The following ATXN10 variants were observed in gnomAD, a reference collection of about 807,000 sequenced individuals.
ATXN10 encodes ataxin 10, also known as ataxin-10.
Under a neutral mutation model 52.9 loss-of-function variants are expected in ATXN10, and 28 were observed. That is an observed-to-expected ratio of 0.53 (90% CI 0.39 to 0.73). The LOEUF is 0.73. ATXN10 is among the 30% of genes least tolerant of loss of function. The pLI is 0.00. For missense variants in ATXN10, 565 were observed against 577.0 expected, an observed-to-expected ratio of 0.98 and a Z score of 0.21; for synonymous variants, 226 against 221.5, an observed-to-expected ratio of 1.02 and a Z score of -0.18.
Position 45,708,660 on chromosome 22 carries a change from GAC to G in ATXN10, c.647+5815_647+5816del, listed in dbSNP as rs1167180206. 6.6e-6 allele frequency among the ~76,000 whole-genome samples: 1 copy of G among 152,096 alleles called. No homozygotes were observed. The highest frequency in any genetic ancestry group is 2.4e-5 in the African/African-American group (1 of 41,392). On this transcript the variant is annotated intron_variant, in intron 5 of 11. Transcript: ENST00000252934. The surrounding 1 kb of genome is among the most constrained non-coding windows in gnomAD (Gnocchi z 5.3). ...TTTGGTGTAAACTTTTTCTTTTTGAGACAGAGTCTCACTCTGTTGCCCAGGCT... is the reference window on the plus strand; with the variant it reads ...TTTGGTGTAAACTTTTTCTTTTTGAGAGAGTCTCACTCTGTTGCCCAGGCT...
intron 9 of ATXN10, among the ~76,000 whole-genome samples, chr22:45,764,025 C>G (rs1201252376): frequency 6.6e-6 from 1 of 152,234 alleles, no homozygotes; most frequent in African/African-American, 2.4e-5. Flanking sequence ...TCTCCCCGGC[C>G]TCTCCGGCAG....
At chr22:45,680,614 C>T (rs532646665) in intron 1 of ATXN10, among the ~76,000 whole-genome samples, 5 of 151,894 alleles carry the variant, frequency 3.3e-5, no homozygotes, top group African/African-American at 9.7e-5. Context: ...CGCCACCATG[C>T]CCCGCTAATT....
Position 45,684,984 on chromosome 22 carries a change from A to C in ATXN10, c.117-4728A>C, listed in dbSNP as rs758839350. On this transcript the variant is annotated intron_variant, in intron 1 of 11. Coordinates refer to ENST00000252934, the MANE Select transcript of ATXN10 (RefSeq NM_013236.4). The surrounding 1 kb of genome is among the most constrained non-coding windows in gnomAD (Gnocchi z 4.1). ...ATAGTTTTTCTCACTGGCAGTTGTT[A>C]AACTACTCTAAACCACATATGCCAG... Among the ~76,000 whole-genome samples the C allele has an allele frequency of 1.4e-4, 21 of 152,358 alleles. No individual in the cohort carries two copies. The highest frequency in any genetic ancestry group is 3.4e-3 in the Middle Eastern group (1 of 294).
rs950993273 is a variant in ATXN10, at chr22:45,828,090, C to T, written c.1238-14901C>T. 9.9e-5 allele frequency among the ~76,000 whole-genome samples: 15 copies of T among 151,934 alleles called. No homozygotes were observed. The highest frequency in any genetic ancestry group is 3.3e-4 in the Admixed American group (5 of 15,262). Reference sequence around the variant, plus strand: ...GGTCAGCTGGGTGCAGTGGCTCATACCTGTAATCCCAGCAGTTTGGGAGGC... The same window carrying T: ...GGTCAGCTGGGTGCAGTGGCTCATATCTGTAATCCCAGCAGTTTGGGAGGC... On this transcript the variant is annotated intron_variant, in intron 10 of 11. Coordinates refer to ENST00000252934, the MANE Select transcript of ATXN10 (RefSeq NM_013236.4). This position sits in a 1 kb window ranked among gnomAD's most constrained non-coding sequence, Gnocchi z 4.5.
rs1240139080 is a variant in ATXN10 at position 45,762,337 on chromosome 22, C to G, written c.1173+21799C>G. Among the ~76,000 whole-genome samples the G allele has an allele frequency of 1.3e-5, 2 of 152,198 alleles. No homozygotes were observed. The highest frequency in any genetic ancestry group is 4.8e-5 in the African/African-American group (2 of 41,452). ...AGGGCCTGACCCAGGGTAGGCACTC[C>G]CGCTTCATGACTACATCTCATTTTT... is the stretch of plus-strand genomic sequence containing the variant. On this transcript the variant is annotated intron_variant, in intron 9 of 11. Transcript: ENST00000252934. The surrounding 1 kb of genome is among the most constrained non-coding windows in gnomAD (Gnocchi z 4.3).
rs1924109857 is a variant in ATXN10 at position 45,708,086 on chromosome 22, G to C, written c.647+5239G>C. ...TGGGTTTTTTTATTTGAGTATACTA[G>C]AGACACAGGAAAGTGTAGGCGAGAA... On this transcript the variant is annotated intron_variant, in intron 5 of 11. Coordinates refer to ENST00000252934, the MANE Select transcript of ATXN10 (RefSeq NM_013236.4). The surrounding 1 kb of genome is among the most constrained non-coding windows in gnomAD (Gnocchi z 5.3). 6.6e-6 allele frequency among the ~76,000 whole-genome samples: 1 copy of C among 152,174 alleles called. No homozygotes were observed. Among genetic ancestry groups the C allele is most frequent in the Admixed American group, 6.5e-5 (1 of 15,268 alleles).
intron 3 of ATXN10, among the ~76,000 whole-genome samples, chr22:45,699,977 AT>A (rs1433460825): frequency 6.7e-6 from 1 of 150,014 alleles, no homozygotes; most frequent in Non-Finnish European, 1.5e-5. Flanking sequence ...CTCCCAAGTA[AT>A]TTTTTTTACT....
chr22:45,748,180 A>T lies in ATXN10; in HGVS notation c.1173+7642A>T, dbSNP rs73886502. On this transcript the variant is annotated intron_variant, in intron 9 of 11. Transcript: ENST00000252934. ...GGCAACAGAGCGAGACTCTGTCTTT[A>T]AAAAAAAAAAAAAGTATATAATGGA... is the stretch of plus-strand genomic sequence containing the variant. Among the ~76,000 whole-genome samples the T allele has an allele frequency of 3.7e-3, 437 of 119,002 alleles. 4 individuals carry two copies. Among genetic ancestry groups the T allele is most frequent in the African/African-American group, 0.011 (412 of 37,210 alleles). 78.1% of individuals were successfully genotyped at this position (119,002 alleles called of 152,430 possible).
chr22:45,795,728 G>A lies in ATXN10; in HGVS notation c.1174-11231G>A, dbSNP rs72556349. ...AATACTTTTATAATGTCTTACACCT[G>A]TCTTTACTGCAGTCTCTGAACATAA... is the stretch of plus-strand genomic sequence containing the variant. On this transcript the variant is annotated intron_variant, in intron 9 of 11. Transcript: ENST00000252934. The surrounding 1 kb of genome is among the most constrained non-coding windows in gnomAD (Gnocchi z 4.6). Among the ~76,000 whole-genome samples the A allele has an allele frequency of 0.092, 14,026 of 152,218 alleles. 830 individuals carry two copies. Among genetic ancestry groups the A allele is most frequent in the Middle Eastern group, 0.15 (45 of 294 alleles).
In ATXN10 at chr22:45,843,269, G is replaced by A; in HGVS notation, c.1425+91G>A. 1 of 1,356,244 alleles carries A rather than the reference G, an allele frequency of 7.4e-7. No individual in the cohort carries two copies. The highest frequency in any genetic ancestry group is 1.0e-6 in the Non-Finnish European group (1 of 955,602). 84.0% of individuals were successfully genotyped at this position (1,356,244 alleles called of 1,614,324 possible). On this transcript the variant is annotated intron_variant, in intron 11 of 11. Coordinates refer to ENST00000252934, the MANE Select transcript of ATXN10 (RefSeq NM_013236.4). This position sits in a 1 kb window ranked among gnomAD's most constrained non-coding sequence, Gnocchi z 4.5. ...GCTTCAAGCACGAGGCTCTTTGTAAGAATATGGATGGGAGAATTGTGCCCT... is the reference window on the plus strand; with the variant it reads ...GCTTCAAGCACGAGGCTCTTTGTAAAAATATGGATGGGAGAATTGTGCCCT...
chr22:45,761,986 G>A (rs537698057), intron 9 of ATXN10, among the ~76,000 whole-genome samples: 2 of 152,132 alleles, frequency 1.3e-5, no homozygotes, highest in African/African-American at 2.4e-5. Flanking sequence ...GACCATATTC[G>A]CCTTTAAGAG....
At position 45,783,303 on chromosome 22, in the gene ATXN10, C is replaced by T. The variant is rs1927215053; in HGVS notation, c.1174-23656C>T. Among the ~76,000 whole-genome samples the T allele has an allele frequency of 6.6e-6, 1 of 152,200 alleles. No individual in the cohort carries two copies. Among genetic ancestry groups the T allele is most frequent in the African/African-American group, 2.4e-5 (1 of 41,434 alleles). On this transcript the variant is annotated intron_variant, in intron 9 of 11. Transcript: ENST00000252934. The surrounding 1 kb of genome is among the most constrained non-coding windows in gnomAD (Gnocchi z 5.0). Reference sequence around the variant, plus strand: ...TGAGAGATTTTCTCATGCTCCTCAGCATGGTGCACAACTTAAAAAACAGGA... The same window carrying T: ...TGAGAGATTTTCTCATGCTCCTCAGTATGGTGCACAACTTAAAAAACAGGA...
chr22:45,817,283 G>A (rs1928492750), intron 10 of ATXN10, among the ~76,000 whole-genome samples: 1 of 150,212 alleles, frequency 6.7e-6, no homozygotes. Flanking sequence ...GCTTTTAAGA[G>A]AGAATCTTTT....
rs1300693686 is a variant in ATXN10 at position 45,844,063 on chromosome 22, A to G, written c.*392A>G. On this transcript the variant is annotated 3_prime_UTR_variant, in exon 12 of 12. Coordinates refer to ENST00000252934, the MANE Select transcript of ATXN10 (RefSeq NM_013236.4). ...CATCATTCTTTATATTCCTCTTCTC[A>G]TTGGGTTTTCTGAACTCTGGCAGGC... 2 of 199,494 alleles carry G rather than the reference A, an allele frequency of 1.0e-5. No homozygotes were observed. The highest frequency in any genetic ancestry group is 4.7e-5 in the African/African-American group (2 of 42,756). The allele number at this position is 199,494 out of a possible 1,614,324, so 12.4% of individuals were successfully genotyped here. A position where few individuals can be genotyped will look rare whatever the true frequency, so the allele number is the denominator to read the frequency against.
In ATXN10 at chr22:45,833,735, G is replaced by A. The variant is rs1302283365; in HGVS notation, c.1238-9256G>A. Among the ~76,000 whole-genome samples, 7 of 152,264 alleles carry A rather than the reference G, an allele frequency of 4.6e-5. No homozygotes were observed. Among genetic ancestry groups the A allele is most frequent in the African/African-American group, 1.2e-4 (5 of 41,550 alleles). ...TATTTCATGTATCACAAAACCTACCGTTCCTTGTACTGGTTTGTAGGCATA... is the reference window on the plus strand; with the variant it reads ...TATTTCATGTATCACAAAACCTACCATTCCTTGTACTGGTTTGTAGGCATA... On this transcript the variant is annotated intron_variant, in intron 10 of 11. Coordinates refer to ENST00000252934, the MANE Select transcript of ATXN10 (RefSeq NM_013236.4). The surrounding 1 kb of genome is among the most constrained non-coding windows in gnomAD (Gnocchi z 4.3).
rs1928465996 is a variant in ATXN10 at position 45,816,490 on chromosome 22, T to A, written c.1237+9468T>A. ...GTGTTATAGTTGGGTTGGGTGGCTG[T>A]GCCTCTCCCTGAACATGACACACCA... On this transcript the variant is annotated intron_variant, in intron 10 of 11. Coordinates refer to ENST00000252934, the MANE Select transcript of ATXN10 (RefSeq NM_013236.4). The surrounding 1 kb of genome is among the most constrained non-coding windows in gnomAD (Gnocchi z 5.8). Among the ~76,000 whole-genome samples the A allele has an allele frequency of 6.6e-6, 1 of 152,148 alleles. No individual in the cohort carries two copies.
At chr22:45,758,885 A>T (rs1373825784) in intron 9 of ATXN10, among the ~76,000 whole-genome samples, 1 of 152,216 alleles carries the variant, frequency 6.6e-6, no homozygotes, top group Non-Finnish European at 1.5e-5. Context: ...CTTACCGTTT[A>T]TTCTGCCCAG....
chr22:45,760,694 G>T (rs1926355432), intron 9 of ATXN10: 1 of 153,938 alleles, frequency 6.5e-6, no homozygotes, highest in Non-Finnish European at 1.5e-5. Context: ...ATTTAATGAT[G>T]ATACCTCTCC....
intron 2 of ATXN10, among the ~76,000 whole-genome samples, chr22:45,692,352 G>T (rs1923418552): frequency 6.6e-6 from 1 of 152,110 alleles, no homozygotes; most frequent in Admixed American, 6.5e-5. Flanking sequence ...GCAACTTATG[G>T]TTGGGCGGAA....
Sources: allele counts gnomAD v4.1 joint callset (sites outside exome capture counted in the v4.1 genomes callset), GRCh38; gene constraint gnomAD v4.1.1; non-coding constraint Gnocchi (gnomAD v3.1); transcripts MANE v1.5; gene names NCBI Gene and HGNC (gene_info 2026-07-23, HGNC 2026-07-21).